The following LRP1B variants were observed in gnomAD, a reference collection of about 807,000 sequenced individuals.
LRP1B encodes the protein low-density lipoprotein receptor-related protein 1B.
In LRP1B, 217 loss-of-function variants were observed where a neutral mutation model predicts 556.6. The observed-to-expected ratio is 0.39, with a 90% CI of 0.35 to 0.44. LRP1B has a LOEUF of 0.44. Among genes scored for constraint, LRP1B ranks in the 20% least tolerant of loss-of-function variants. The probability of loss-of-function intolerance (pLI) is 1.00; values close to 1 mark genes in which losing one functional copy is unlikely to be tolerated. For synonymous variants in LRP1B, 2,047 were observed against 1,865.8 expected (o/e 1.10, Z -2.50); for missense variants, 5,053 against 5,620.8 (o/e 0.90, Z 3.23).
chr2:141,974,048 A>G (rs549626851), intron 1 of LRP1B, among the ~76,000 whole-genome samples: 57 of 152,068 alleles, frequency 3.7e-4, no homozygotes, highest in African/African-American at 1.3e-3. Flanking sequence ...TGAATTGATT[A>G]CATCCAAGTT....
At chr2:142,051,971 T>G (rs554039227) in intron 1 of LRP1B, among the ~76,000 whole-genome samples, 2 of 152,148 alleles carry the variant, frequency 1.3e-5, no homozygotes, top group Non-Finnish European at 2.9e-5. Context: ...GAACCACCAA[T>G]TGTGATAAAC....
chr2:140,518,613 C>G (rs888265095), intron 49 of LRP1B, among the ~76,000 whole-genome samples: 1 of 152,132 alleles, frequency 6.6e-6, no homozygotes, highest in Non-Finnish European at 1.5e-5. Context: ...TTTCGTAGAG[C>G]AGTGGTTTGT....
intron 43 of LRP1B, among the ~76,000 whole-genome samples, chr2:140,591,208 C>T (rs750798616): frequency 1.1e-4 from 17 of 152,234 alleles, no homozygotes; most frequent in Non-Finnish European, 1.9e-4. Flanking sequence ...ACAAAACGTC[C>T]GATATCCAGC....
At chr2:142,059,111 G>A (rs1704795818) in intron 1 of LRP1B, among the ~76,000 whole-genome samples, 1 of 152,064 alleles carries the variant, frequency 6.6e-6, no homozygotes, top group Non-Finnish European at 1.5e-5. Context: ...GATTCACAGG[G>A]ACATAAAGTA....
chr2:141,058,110 A>G (rs1221779979), intron 9 of LRP1B, among the ~76,000 whole-genome samples: 8 of 151,912 alleles, frequency 5.3e-5, no homozygotes, highest in African/African-American at 1.9e-4. Context: ...AACATAGTAG[A>G]TTGTCCATGA....
At position 142,130,795 on chromosome 2, in the gene LRP1B, C is replaced by T; in HGVS notation, c.-66G>A. On this transcript the variant is annotated 5_prime_UTR_variant, in exon 1 of 91. Coordinates refer to ENST00000389484, the MANE Select transcript of LRP1B (RefSeq NM_018557.3). The stretch of plus-strand genomic sequence containing the variant: ...GGCGGCACCTTCGGCCCGGCGGCGG[C>T]GGCGGCGGCAGGGGCCGCTTGGAGC... The T allele has an allele frequency of 1.5e-6, 2 of 1,371,502 alleles. No individual in the cohort carries two copies. The highest frequency in any genetic ancestry group is 2.0e-6 in the Non-Finnish European group (2 of 977,618). 85.0% of individuals were successfully genotyped at this position (1,371,502 alleles called of 1,614,324 possible).
chr2:140,714,747 T>C (rs999504788), intron 37 of LRP1B, among the ~76,000 whole-genome samples: 2 of 152,120 alleles, frequency 1.3e-5, no homozygotes, highest in Non-Finnish European at 2.9e-5. Context: ...TTTAAGGCTA[T>C]AATAATTTAT....
chr2:141,047,673 C>CTTTATTTTT (rs983411937), intron 11 of LRP1B, among the ~76,000 whole-genome samples: 3 of 152,202 alleles, frequency 2.0e-5, no homozygotes, highest in African/African-American at 7.2e-5. Flanking sequence ...CTTCAAGGCC[C>CTTTATTTTT]TTTATTTTAG....
At position 140,701,030 on chromosome 2, in the gene LRP1B, T is replaced by C. The variant is rs780038749; in HGVS notation, c.6428-409A>G. Among the ~76,000 whole-genome samples, 134 of 152,012 alleles carry C rather than the reference T, an allele frequency of 8.8e-4. 1 individual carries two copies. Among genetic ancestry groups the C allele is most frequent in the Non-Finnish European group, 1.6e-3 (109 of 67,980 alleles). ...ATATGGAAAGCATCAAAGAAATCTA[T>C]AGCTACAATGTGCCTAACCTCCTAA... On this transcript the variant is annotated intron_variant, in intron 40 of 90. Transcript: ENST00000389484.
At chr2:140,966,187 C>T (rs1696216089) in intron 18 of LRP1B, among the ~76,000 whole-genome samples, 1 of 152,158 alleles carries the variant, frequency 6.6e-6, no homozygotes, top group Non-Finnish European at 1.5e-5. Flanking sequence ...TAAAAGTGTT[C>T]CTATTTCTCC....
rs1574515580 is a variant in LRP1B, at chr2:141,943,995, A to G, written c.83-133594T>C. On this transcript the variant is annotated intron_variant, in intron 1 of 90. Coordinates refer to ENST00000389484, the MANE Select transcript of LRP1B (RefSeq NM_018557.3). ...GAATCCCAGGTTCCCACAGGGGAAC[A>G]GGAGGGCCAGGCTCCTCCCCTCTGC... 2.6e-5 allele frequency among the ~76,000 whole-genome samples: 4 copies of G among 152,198 alleles called. No homozygotes were observed. In the South Asian group the frequency reaches 8.3e-4, roughly 32 times the overall value.
chr2:141,462,129 A>G (rs1681899529), intron 3 of LRP1B, among the ~76,000 whole-genome samples: 1 of 152,126 alleles, frequency 6.6e-6, no homozygotes, highest in Admixed American at 6.6e-5. Flanking sequence ...TCAGACATAC[A>G]ATGTGTTGTC....
chr2:141,745,673 C>T (rs1693888616), intron 2 of LRP1B, among the ~76,000 whole-genome samples: 1 of 151,852 alleles, frequency 6.6e-6, no homozygotes, highest in Non-Finnish European at 1.5e-5. Context: ...GTGCCCTCCC[C>T]AACTGTGGTT....
intron 2 of LRP1B, among the ~76,000 whole-genome samples, chr2:141,517,219 T>C (rs6706377): frequency 0.97 from 146,454 of 150,602 alleles, 71,343 homozygotes; most frequent in East Asian, 1. Flanking sequence ...TCTTTTCTTT[T>C]TGTGGCCTTT....
intron 59 of LRP1B, among the ~76,000 whole-genome samples, chr2:140,483,277 CTT>C (rs1237030679): frequency 6.6e-6 from 1 of 151,948 alleles, no homozygotes; most frequent in African/African-American, 2.4e-5. Context: ...TTAATTGACA[CTT>C]TTAATGGATG....
intron 10 of LRP1B, among the ~76,000 whole-genome samples, chr2:141,054,657 T>A (rs1050134012): frequency 6.6e-6 from 1 of 152,004 alleles, no homozygotes; most frequent in Non-Finnish European, 1.5e-5. Context: ...AAAAATTGAA[T>A]CATGACAAAT....
chr2:140,333,912 C>G (rs1680942337), intron 79 of LRP1B, among the ~76,000 whole-genome samples: 2 of 151,528 alleles, frequency 1.3e-5, no homozygotes, highest in Admixed American at 1.3e-4. Context: ...GTCCTGAGAA[C>G]ACAGATGCTT....
intron 1 of LRP1B, among the ~76,000 whole-genome samples, chr2:142,045,744 T>C (rs1460926345): frequency 1.3e-5 from 2 of 151,952 alleles, no homozygotes; most frequent in Non-Finnish European, 2.9e-5. Flanking sequence ...ATTGTTCTCA[T>C]TTTGCAAAAG....
At chr2:141,118,171 A>T (rs1385518001) in intron 7 of LRP1B, among the ~76,000 whole-genome samples, 1 of 150,946 alleles carries the variant, frequency 6.6e-6, no homozygotes, top group Non-Finnish European at 1.5e-5. Context: ...TGCTTCAAAA[A>T]TATTCAATGT....
Sources: gnomAD v4.1 joint callset for allele counts (sites outside exome capture counted in the v4.1 genomes callset) on GRCh38, gnomAD v4.1.1 for gene constraint, MANE v1.5 for transcripts, NCBI Gene and HGNC (gene_info 2026-07-23, HGNC 2026-07-21) for gene names.